The following PIK3C3 variants were observed in gnomAD, a reference collection of about 807,000 sequenced individuals.
PIK3C3 encodes PI3-kinase type 3.
In PIK3C3, 95 loss-of-function variants were observed where a neutral mutation model predicts 126.1. The observed-to-expected ratio is 0.75, with a 90% CI of 0.64 to 0.89. The LOEUF (loss-of-function observed/expected upper bound fraction) is 0.89. Ranked by LOEUF, PIK3C3 falls within the 40% of genes least tolerant of loss-of-function variation. The pLI is 0.00. For synonymous variants in PIK3C3, 374 were observed against 360.0 expected (o/e 1.04, Z -0.44); for missense variants, 829 against 1,063.2 (o/e 0.78, Z 3.06).
At chr18:42,008,529 G>T (rs1264191527) in intron 10 of PIK3C3, among the ~76,000 whole-genome samples, 1 of 152,072 alleles carries the variant, frequency 6.6e-6, no homozygotes, top group Admixed American at 6.5e-5. Context: ...GAAATGGGAA[G>T]TCACTAAGTG....
intron 2 of PIK3C3, among the ~76,000 whole-genome samples, chr18:41,961,266 C>T (rs1980071052): frequency 6.6e-6 from 1 of 152,170 alleles, no homozygotes; most frequent in South Asian, 2.1e-4. Flanking sequence ...TTGTTGTCTT[C>T]AACTTTAGCC....
At chr18:41,976,181 A>G (rs1008011150) in intron 4 of PIK3C3, among the ~76,000 whole-genome samples, 1 of 152,182 alleles carries the variant, frequency 6.6e-6, no homozygotes, top group Non-Finnish European at 1.5e-5. Flanking sequence ...GGATTGAAGT[A>G]GTTTGACCCA....
chr18:41,962,588 A>T lies in PIK3C3; in HGVS notation c.357A>T (p.Ala119=). Residue 119 remains alanine (A), a synonymous_variant, in exon 3 of 25, where the codon GCA becomes GCT. Transcript: ENST00000262039. The part of the protein sequence containing the change: ...TIWDVYGPGK[A]VPVGGTTVSL... Reference sequence around the variant, plus strand: ...GGGATGTGTATGGTCCCGGAAAAGCAGTGCCTGTAGGAGGAACAACGGTTT... The same window carrying T: ...GGGATGTGTATGGTCCCGGAAAAGCTGTGCCTGTAGGAGGAACAACGGTTT... 6.2e-7 allele frequency: 1 copy of T among 1,613,294 alleles called. No homozygotes were observed. The highest frequency in any genetic ancestry group is 8.5e-7 in the Non-Finnish European group (1 of 1,179,424).
intron 21 of PIK3C3, among the ~76,000 whole-genome samples, chr18:42,052,075 A>G (rs1414966378): frequency 6.6e-6 from 1 of 152,088 alleles, no homozygotes; most frequent in Admixed American, 6.6e-5. Flanking sequence ...GTTCTACTTG[A>G]TTCTTTTTTT....
intron 22 of PIK3C3, among the ~76,000 whole-genome samples, chr18:42,063,003 CTATGATA>C (rs1408813196): frequency 1.3e-5 from 2 of 152,094 alleles, no homozygotes; most frequent in Non-Finnish European, 2.9e-5. Context: ...ACCTGGAAGT[CTATGATA>C]TAGTTTCTCT....
intron 9 of PIK3C3, among the ~76,000 whole-genome samples, chr18:41,997,826 A>G (rs962894134): frequency 1.3e-5 from 2 of 152,148 alleles, no homozygotes; most frequent in Non-Finnish European, 2.9e-5. Context: ...ATTAGAAGAA[A>G]AGAAAGTCAG....
In PIK3C3 at chr18:42,084,189, T is replaced by C. The variant is rs1248075130; in HGVS notation, c.*3052T>C. 2.0e-5 allele frequency: 3 copies of C among 152,158 alleles called. No individual in the cohort carries two copies. Among genetic ancestry groups the C allele is most frequent in the Non-Finnish European group, 4.4e-5 (3 of 68,032 alleles). The allele number at this position is 152,158 out of a possible 1,614,324, so 9.4% of individuals were successfully genotyped here. On this transcript the variant is annotated 3_prime_UTR_variant, in exon 25 of 25. Coordinates refer to ENST00000262039, the MANE Select transcript of PIK3C3 (RefSeq NM_002647.4). ...TGTTAACCTACAACCATAATATACC[T>C]TAAGTATATTTTTGCACATAAGTAT...
intron 13 of PIK3C3, among the ~76,000 whole-genome samples, chr18:42,024,953 G>A (rs1163160814): frequency 6.6e-6 from 1 of 151,976 alleles, no homozygotes; most frequent in South Asian, 2.1e-4. Flanking sequence ...ACAGGCACCC[G>A]CCACTGTGCC....
At chr18:42,058,083 G>T in intron 22 of PIK3C3, 32 bp downstream of exon 22, 4 of 1,509,456 alleles carry the variant, frequency 2.6e-6, no homozygotes, top group South Asian at 2.7e-5. Context: ...AGAGAATTTG[G>T]GTAAATTTAT....
intron 9 of PIK3C3, among the ~76,000 whole-genome samples, chr18:42,003,131 C>T (rs571938825): frequency 2.6e-5 from 4 of 152,010 alleles, no homozygotes; most frequent in East Asian, 1.9e-4. Flanking sequence ...TCCATAGTGC[C>T]GTTTTTCTTA....
chr18:41,981,541 A>G (rs1008049778), intron 4 of PIK3C3, among the ~76,000 whole-genome samples: 3 of 152,220 alleles, frequency 2.0e-5, no homozygotes, highest in African/African-American at 7.2e-5. Context: ...TATGCTTGCC[A>G]AGAATTAAAT....
At chr18:41,962,928 A>G (rs959628283) in intron 3 of PIK3C3, among the ~76,000 whole-genome samples, 12 of 152,192 alleles carry the variant, frequency 7.9e-5, no homozygotes, top group Admixed American at 7.2e-4. Context: ...TGACTATGAC[A>G]TATAACTGCT....
intron 3 of PIK3C3, among the ~76,000 whole-genome samples, chr18:41,968,457 TA>T (rs1715429839): frequency 6.6e-6 from 1 of 152,164 alleles, no homozygotes; most frequent in South Asian, 2.1e-4. Flanking sequence ...TTTAACATGA[TA>T]AATAAATATT....
chr18:41,965,890 A>G (rs969750425), intron 3 of PIK3C3, among the ~76,000 whole-genome samples: 3 of 152,194 alleles, frequency 2.0e-5, no homozygotes, highest in African/African-American at 7.2e-5. Flanking sequence ...TAAAGGGAGC[A>G]GTAGCAATAA....
At chr18:42,009,267 A>T (rs1207596489) in intron 10 of PIK3C3, among the ~76,000 whole-genome samples, 3 of 152,196 alleles carry the variant, frequency 2.0e-5, no homozygotes, top group Non-Finnish European at 4.4e-5. Context: ...TGACATTGAC[A>T]TATTTGAACA....
rs778355665 is a variant in PIK3C3, at chr18:42,037,827, A to C, written c.1968+7A>C. On this transcript the variant is annotated splice_region_variant and intron_variant, in intron 17 of 24. Coordinates refer to ENST00000262039, the MANE Select transcript of PIK3C3 (RefSeq NM_002647.4). Reference sequence around the variant, plus strand: ...CATTTCACTCATGGACAAGGTGAACATGACCTTATGTTGGTGGGGAACATT... The same window carrying C: ...CATTTCACTCATGGACAAGGTGAACCTGACCTTATGTTGGTGGGGAACATT... 6.2e-7 allele frequency: 1 copy of C among 1,603,562 alleles called. No homozygotes were observed.
At chr18:41,990,264 A>T (rs1228840129) in intron 5 of PIK3C3, among the ~76,000 whole-genome samples, 195 bp from the exon 6 acceptor site, 1 of 152,210 alleles carries the variant, frequency 6.6e-6, no homozygotes, top group Non-Finnish European at 1.5e-5. Flanking sequence ...CTGAATAAAC[A>T]GTAGTGCTGT....
intron 24 of PIK3C3, among the ~76,000 whole-genome samples, chr18:42,074,780 C>G (rs145893499): frequency 2.4e-3 from 366 of 152,114 alleles, no homozygotes; most frequent in African/African-American, 7.6e-3. Flanking sequence ...TGAAACTTCC[C>G]TTTTTATGTA....
Position 42,068,258 on chromosome 18 carries a change from T to G in PIK3C3, c.2649+745T>G, listed in dbSNP as rs1007085357. Among the ~76,000 whole-genome samples, 7 of 152,314 alleles carry G rather than the reference T, an allele frequency of 4.6e-5. No individual in the cohort carries two copies. In the East Asian group the frequency reaches 1.4e-3, roughly 29 times the overall value. On this transcript the variant is annotated intron_variant, in intron 24 of 24. Coordinates refer to ENST00000262039, the MANE Select transcript of PIK3C3 (RefSeq NM_002647.4). ...TTTTTTAAACTTTATGATACCTAGGTGTGTGCAGTTTCCTCATTGCCTAAC... is the reference window on the plus strand; with the variant it reads ...TTTTTTAAACTTTATGATACCTAGGGGTGTGCAGTTTCCTCATTGCCTAAC...
Sources: allele counts gnomAD v4.1 joint callset (sites outside exome capture counted in the v4.1 genomes callset), GRCh38; gene constraint gnomAD v4.1.1; transcripts MANE v1.5; gene names NCBI Gene and HGNC (gene_info 2026-07-23, HGNC 2026-07-21).